The following CA12 variants were observed in gnomAD, a reference collection of about 807,000 sequenced individuals.
CA12 encodes the protein carbonate dehydratase XII.
In CA12, 36 loss-of-function variants were observed where a neutral mutation model predicts 46.8. The observed-to-expected ratio is 0.77, with a 90% CI of 0.59 to 1.02. The LOEUF is 1.02. Among genes scored for constraint, CA12 ranks in the 50% least tolerant of loss-of-function variants. The pLI is 0.00. For synonymous variants in CA12, 202 were observed against 187.0 expected, an observed-to-expected ratio of 1.08 and a Z score of -0.65; for missense variants, 436 against 451.4, an observed-to-expected ratio of 0.97 and a Z score of 0.31.
At position 63,373,154 on chromosome 15, in the gene CA12, C is replaced by T. The variant is rs1187000553; in HGVS notation, c.106+2504G>A. ...CCGAGGTGGGCAGAACACTTGAGATCAGGAGTTCGAGACCAGCCTGGCCAT... is the reference window on the plus strand; with the variant it reads ...CCGAGGTGGGCAGAACACTTGAGATTAGGAGTTCGAGACCAGCCTGGCCAT... On this transcript the variant is annotated intron_variant, in intron 2 of 10. Coordinates refer to ENST00000178638, the MANE Select transcript of CA12 (RefSeq NM_001218.5). This position sits in a 1 kb window ranked among gnomAD's most constrained non-coding sequence, Gnocchi z 4.9. 6.6e-6 allele frequency among the ~76,000 whole-genome samples: 1 copy of T among 152,178 alleles called. No homozygotes were observed. Among genetic ancestry groups the T allele is most frequent in the East Asian group, 1.9e-4 (1 of 5,194 alleles).
At chr15:63,334,822 T>C (rs565900607) in intron 8 of CA12, among the ~76,000 whole-genome samples, 24 of 152,244 alleles carry the variant, frequency 1.6e-4, no homozygotes, top group African/African-American at 4.8e-4. Flanking sequence ...TACCCAATCA[T>C]ATAAAAAAGA....
chr15:63,365,199 T>C (rs974448968), intron 2 of CA12, among the ~76,000 whole-genome samples: 1 of 152,234 alleles, frequency 6.6e-6, no homozygotes, highest in Non-Finnish European at 1.5e-5. Context: ...ATTAAGTCTA[T>C]TGTGTTTTCT....
chr15:63,357,133 G>A (rs2039305011), intron 2 of CA12, among the ~76,000 whole-genome samples: 1 of 152,136 alleles, frequency 6.6e-6, no homozygotes, highest in South Asian at 2.1e-4. Flanking sequence ...TATGGCAGAT[G>A]CTCAATGAAT....
rs28584782 is a variant in CA12, at chr15:63,321,714, C to T, written c.*4571G>A. ...AGGCCACGTGACAACGGGAGGGGCA[C>T]TCCTGTGTGTGTAGGGGCGAGGGGG... On this transcript the variant is annotated 3_prime_UTR_variant, in exon 11 of 11. Transcript: ENST00000178638. The surrounding 1 kb of genome is among the most constrained non-coding windows in gnomAD (Gnocchi z 4.5). 5 of 152,272 alleles carry T rather than the reference C, an allele frequency of 3.3e-5. No homozygotes were observed. The highest frequency in any genetic ancestry group is 1.2e-4 in the African/African-American group (5 of 41,450). 9.4% of individuals were successfully genotyped at this position (152,272 alleles called of 1,614,324 possible).
chr15:63,364,188 T>TGG (rs560286715), intron 2 of CA12, among the ~76,000 whole-genome samples: 1 of 145,400 alleles, frequency 6.9e-6, no homozygotes, highest in South Asian at 2.2e-4. Flanking sequence ...AAAAAAAAAG[T>TGG]GGGGGGGCGG....
chr15:63,346,812 T>G, intron 2 of CA12, 103 bp from the exon 3 acceptor site: 1 of 1,362,142 alleles, frequency 7.3e-7, no homozygotes, highest in Non-Finnish European at 1.0e-6. Flanking sequence ...TCTCCTCTTT[T>G]CTGAATCCCC....
rs377428524 is a variant in CA12, at chr15:63,365,628, C to T, written c.106+10030G>A. Among the ~76,000 whole-genome samples, 18 of 152,364 alleles carry T rather than the reference C, an allele frequency of 1.2e-4. 1 individual carries two copies. Among genetic ancestry groups the T allele is most frequent in the Admixed American group, 7.8e-4 (12 of 15,310 alleles). ...GCTTTCAGCCACAATCAGGCTGCTC[C>T]AGGCAATTGCAATGTTGGGTATCTA... On this transcript the variant is annotated intron_variant, in intron 2 of 10. Transcript: ENST00000178638.
Position 63,369,329 on chromosome 15 carries a change from C to T in CA12, c.106+6329G>A, listed in dbSNP as rs2039472305. ...GCTGTAGAGTTTACAAGGCCTTTCC[C>T]TCCATATTAGTTCATTTAATCTGCA... On this transcript the variant is annotated intron_variant, in intron 2 of 10. Transcript: ENST00000178638. 2.6e-5 allele frequency among the ~76,000 whole-genome samples: 4 copies of T among 152,194 alleles called. No homozygotes were observed. In the South Asian group the frequency reaches 8.3e-4, roughly 31 times the overall value.
Position 63,346,510 on chromosome 15 carries a change from C to G in CA12, c.286+20G>C. Reference sequence around the variant, plus strand: ...GGAGACTCAGACATACCCCTCAGGTCTCCAAGGCCTCTCCCTCACCTGAAT... The same window carrying G: ...GGAGACTCAGACATACCCCTCAGGTGTCCAAGGCCTCTCCCTCACCTGAAT... On this transcript the variant is annotated intron_variant, in intron 3 of 10. Transcript: ENST00000178638. 6.3e-7 allele frequency: 1 copy of G among 1,596,476 alleles called. No individual in the cohort carries two copies. The highest frequency in any genetic ancestry group is 2.3e-5 in the East Asian group (1 of 43,500).
chr15:63,370,613 A>G (rs2152626260), intron 2 of CA12, among the ~76,000 whole-genome samples: 1 of 151,956 alleles, frequency 6.6e-6, no homozygotes, highest in South Asian at 2.1e-4. Flanking sequence ...TCTCTATTAA[A>G]AATACAAAGA....
rs71131163 is a variant in CA12, at chr15:63,334,242, C to CTTTTTTTT, written c.874+4569_874+4576dup. ...TTCCAACTGCCACTTGGAAGAGGCA[C>CTTTTTTTT]TTTTTTTTTTTTTTTTTTTTTTTTT... On this transcript the variant is annotated intron_variant, in intron 8 of 10. Coordinates refer to ENST00000178638, the MANE Select transcript of CA12 (RefSeq NM_001218.5). Among the ~76,000 whole-genome samples, 184 of 64,962 alleles carry CTTTTTTTT rather than the reference C, an allele frequency of 2.8e-3. 39 individuals are homozygous for CTTTTTTTT. The highest frequency in any genetic ancestry group is 0.013 in the African/African-American group (178 of 13,822). The allele number at this position is 64,962 out of a possible 152,430, so 42.6% of individuals were successfully genotyped here. A position where few individuals can be genotyped will look rare whatever the true frequency, so the allele number is the denominator to read the frequency against.
chr15:63,381,583 AG>A (rs2039645729), intron 1 of CA12, 52 bp downstream of exon 1: 3 of 1,438,758 alleles, frequency 2.1e-6, no homozygotes, highest in South Asian at 2.4e-5. Flanking sequence ...CCTTCAGCCC[AG>A]GGGCGGCTGA....
At chr15:63,379,737 G>A (rs939866801) in intron 1 of CA12, among the ~76,000 whole-genome samples, 3 of 152,200 alleles carry the variant, frequency 2.0e-5, no homozygotes, top group African/African-American at 7.2e-5. Context: ...TGCTTCCTGT[G>A]CTGGGTGCTA....
chr15:63,363,300 C>A (rs978976312), intron 2 of CA12, among the ~76,000 whole-genome samples: 2 of 152,210 alleles, frequency 1.3e-5, no homozygotes, highest in Admixed American at 6.5e-5. Flanking sequence ...CCTCTGAAAT[C>A]CGACCATCCC....
intron 1 of CA12, among the ~76,000 whole-genome samples, chr15:63,379,251 T>A (rs1488280577): frequency 6.6e-6 from 1 of 152,054 alleles, no homozygotes; most frequent in African/African-American, 2.4e-5. Context: ...GCTCAGGAGC[T>A]GGAGGGCTGG....
intron 2 of CA12, 61 bp downstream of exon 2, chr15:63,375,597 C>A: frequency 9.0e-7 from 1 of 1,110,976 alleles, no homozygotes; most frequent in South Asian, 1.3e-5. Flanking sequence ...CTGTTTTTCT[C>A]ATTAAATACA....
At chr15:63,358,714 G>A (rs1228757429) in intron 2 of CA12, among the ~76,000 whole-genome samples, 1 of 152,158 alleles carries the variant, frequency 6.6e-6, no homozygotes, top group Non-Finnish European at 1.5e-5. Context: ...GACATCCAAT[G>A]TTTACTTCCT....
At chr15:63,357,598 G>T (rs1330884359) in intron 2 of CA12, among the ~76,000 whole-genome samples, 1 of 152,200 alleles carries the variant, frequency 6.6e-6, no homozygotes, top group Non-Finnish European at 1.5e-5. Context: ...TGTGGTTCTT[G>T]TGAGCAGAGT....
chr15:63,381,633 T>C lies in CA12; in HGVS notation c.85+3A>G. On this transcript the variant is annotated splice_donor_region_variant and intron_variant, in intron 1 of 10. Transcript: ENST00000178638. The stretch of plus-strand genomic sequence containing the variant: ...TTAGGAAAGAAGCAGGCGGAAACTT[T>C]ACCGTTCACTGGGGCCGGGCTGGAA... The C allele has an allele frequency of 2.5e-6, 4 of 1,609,782 alleles. No individual in the cohort carries two copies. Among genetic ancestry groups the C allele is most frequent in the East Asian group, 2.2e-5 (1 of 44,726 alleles).
Sources: allele counts gnomAD v4.1 joint callset (sites outside exome capture counted in the v4.1 genomes callset), GRCh38; gene constraint gnomAD v4.1.1; non-coding constraint Gnocchi (gnomAD v3.1); transcripts MANE v1.5; gene names NCBI Gene and HGNC (gene_info 2026-07-23, HGNC 2026-07-21).